The following TMEM184B variants were observed in gnomAD, a reference collection of about 807,000 sequenced individuals.
The protein encoded by TMEM184B is putative MAPK-activating protein FM08.
A neutral mutation model predicts 41.8 loss-of-function variants in TMEM184B; 17 were observed. The observed-to-expected ratio is 0.41, with a 90% CI of 0.28 to 0.61. The LOEUF is 0.61. Ranked by LOEUF, TMEM184B falls within the 20% of genes least tolerant of loss-of-function variation. TMEM184B has a pLI of 0.34. For missense variants in TMEM184B, 393 were observed against 557.8 expected, an observed-to-expected ratio of 0.70 and a Z score of 2.98; for synonymous variants, 240 against 229.5, an observed-to-expected ratio of 1.05 and a Z score of -0.41.
intron 1 of TMEM184B, among the ~76,000 whole-genome samples, chr22:38,269,145 C>T (rs1273723619): frequency 6.6e-6 from 1 of 152,224 alleles, no homozygotes; most frequent in Non-Finnish European, 1.5e-5. Flanking sequence ...AATTGCATCT[C>T]CCAATTCTCT....
intron 3 of TMEM184B, among the ~76,000 whole-genome samples, chr22:38,240,622 GC>G (rs1365730759): frequency 1.3e-5 from 2 of 151,474 alleles, no homozygotes; most frequent in Non-Finnish European, 2.9e-5. Flanking sequence ...CACTGGAAGG[GC>G]CCGCCAGGTT....
At chr22:38,219,072 C>T (rs1305684500), downstream of TMEM184B, among the ~76,000 whole-genome samples, 2 of 152,214 alleles carry the variant, frequency 1.3e-5, no homozygotes, top group African/African-American at 2.4e-5. Context: ...GCGGCCCGGC[C>T]GTCCTGGGTT....
At position 38,221,339 on chromosome 22, in the gene TMEM184B, T is replaced by C. The variant is rs897234735; in HGVS notation, c.*130A>G. ...TTCCTCTGGAAGTGACATGTGAGTG[T>C]TTCTGGTCCAATAAATAAAGGCGGC... is the stretch of plus-strand genomic sequence containing the variant. On this transcript the variant is annotated 3_prime_UTR_variant, in exon 9 of 9. Transcript: ENST00000361906. The C allele has an allele frequency of 6.9e-7, 1 of 1,455,068 alleles. No homozygotes were observed. The highest frequency in any genetic ancestry group is 1.4e-5 in the African/African-American group (1 of 70,578). The allele number at this position is 1,455,068 out of a possible 1,614,324, so 90.1% of individuals were successfully genotyped here.
chr22:38,228,033 G>A (rs1306628310), intron 5 of TMEM184B, among the ~76,000 whole-genome samples: 1 of 152,178 alleles, frequency 6.6e-6, no homozygotes, highest in Non-Finnish European at 1.5e-5. Flanking sequence ...GCCTGGAGTG[G>A]GAACCGTGAT....
chr22:38,272,842 T>TC, intron 1 of TMEM184B, 42 bp downstream of exon 1: 5 of 968,948 alleles, frequency 5.2e-6, no homozygotes, highest in Non-Finnish European at 6.1e-6. Flanking sequence ...GAGTCGCAGC[T>TC]CCCCCTTGGG....
chr22:38,230,893 A>C, intron 4 of TMEM184B, 149 bp from the exon 5 acceptor site: 2 of 782,124 alleles, frequency 2.6e-6, no homozygotes, highest in East Asian at 2.7e-5. Context: ...AAGCACAGGG[A>C]GAGGCATGGC....
At chr22:38,230,159 C>T (rs9610919) in intron 5 of TMEM184B, among the ~76,000 whole-genome samples, 137 of 98,728 alleles carry the variant, frequency 1.4e-3, no homozygotes, top group East Asian at 3.5e-3. Context: ...CACAGGGAGG[C>T]CAGCCCAGGA....
chr22:38,247,705 C>T, intron 2 of TMEM184B, 65 bp downstream of exon 2: 8 of 1,533,890 alleles, frequency 5.2e-6, no homozygotes, highest in Non-Finnish European at 7.0e-6. Context: ...CTAGCCTAAC[C>T]CACACTCTGT....
At chr22:38,247,709 A>G (rs2092066915) in intron 2 of TMEM184B, 61 bp downstream of exon 2, 2 of 1,538,658 alleles carry the variant, frequency 1.3e-6, no homozygotes, top group African/African-American at 1.4e-5. Context: ...CCTAACCCAC[A>G]CTCTGTTCAG....
chr22:38,259,525 T>C (rs1306346539), intron 1 of TMEM184B, among the ~76,000 whole-genome samples: 1 of 152,142 alleles, frequency 6.6e-6, no homozygotes, highest in Non-Finnish European at 1.5e-5. Context: ...GAGAGGAAAG[T>C]GGAAGCTGCT....
At position 38,225,685 on chromosome 22, in the gene TMEM184B, AG is replaced by A; in HGVS notation, c.618-93del. ...ACCACACACAGTCCCCATGGCTCTCAGCCCCACACCTCCAGCAGAGCTCAAC... is the reference window on the plus strand; with the variant it reads ...ACCACACACAGTCCCCATGGCTCTCACCCCACACCTCCAGCAGAGCTCAAC... On this transcript the variant is annotated intron_variant, in intron 6 of 8. Transcript: ENST00000361906. The surrounding 1 kb of genome is among the most constrained non-coding windows in gnomAD (Gnocchi z 4.4). 3 of 1,365,806 alleles carry A rather than the reference AG, an allele frequency of 2.2e-6. No homozygotes were observed. The highest frequency in any genetic ancestry group is 9.7e-7 in the Non-Finnish European group (1 of 1,031,452). 84.6% of individuals were successfully genotyped at this position (1,365,806 alleles called of 1,614,324 possible).
intron 1 of TMEM184B, among the ~76,000 whole-genome samples, chr22:38,259,697 C>G (rs1048623317): frequency 6.6e-6 from 1 of 152,214 alleles, no homozygotes; most frequent in Non-Finnish European, 1.5e-5. Flanking sequence ...CATTCTGGAC[C>G]TGACCTCCAA....
rs191228415 is a variant in TMEM184B, at chr22:38,226,040, C to T, written c.618-447G>A. On this transcript the variant is annotated intron_variant, in intron 6 of 8. Coordinates refer to ENST00000361906, the MANE Select transcript of TMEM184B (RefSeq NM_012264.5). This position sits in a 1 kb window ranked among gnomAD's most constrained non-coding sequence, Gnocchi z 4.6. ...TACACAGTTCACAGACAGTGTGTGC[C>T]GAGAGCTTGAAAGCACAGGGCTAGA... 9.6e-4 allele frequency among the ~76,000 whole-genome samples: 145 copies of T among 151,828 alleles called. 1 individual carries two copies. Among genetic ancestry groups the T allele is most frequent in the African/African-American group, 3.0e-3 (126 of 41,336 alleles).
At chr22:38,257,003 T>G (rs1350630562) in intron 1 of TMEM184B, among the ~76,000 whole-genome samples, 1 of 142,938 alleles carries the variant, frequency 7.0e-6, no homozygotes, top group African/African-American at 2.7e-5. Context: ...TTTTTTGAGA[T>G]AGAGTTTCGC....
rs780873410 is a variant in TMEM184B at position 38,221,429 on chromosome 22, G to C, written c.*40C>G. Reference sequence around the variant, plus strand: ...GCTGGAGGTGGGGCACAGCCTGACCGTGGCTATGGCGCCAGCACTTCCGCC... The same window carrying C: ...GCTGGAGGTGGGGCACAGCCTGACCCTGGCTATGGCGCCAGCACTTCCGCC... On this transcript the variant is annotated 3_prime_UTR_variant, in exon 9 of 9. Transcript: ENST00000361906. 15 of 1,558,012 alleles carry C rather than the reference G, an allele frequency of 9.6e-6. No individual in the cohort carries two copies. Among genetic ancestry groups the C allele is most frequent in the East Asian group, 2.2e-5 (1 of 44,466 alleles).
chr22:38,268,888 G>A (rs563082364), intron 1 of TMEM184B, among the ~76,000 whole-genome samples: 40 of 152,360 alleles, frequency 2.6e-4, no homozygotes, highest in African/African-American at 9.1e-4. Flanking sequence ...ACAGGCCTGC[G>A]ATGCCTCCTT....
intron 1 of TMEM184B, among the ~76,000 whole-genome samples, chr22:38,265,825 G>T (rs1184550389): frequency 6.6e-6 from 1 of 152,198 alleles, no homozygotes; most frequent in Non-Finnish European, 1.5e-5. Context: ...CGCTAGAGGT[G>T]GGGACCAGGA....
At chr22:38,257,725 G>A (rs904723899) in intron 1 of TMEM184B, among the ~76,000 whole-genome samples, 1 of 152,242 alleles carries the variant, frequency 6.6e-6, no homozygotes. Flanking sequence ...AGTAATATAC[G>A]TGTATACTTA....
At chr22:38,218,996 C>T (rs879438732), downstream of TMEM184B, among the ~76,000 whole-genome samples, 5 of 152,150 alleles carry the variant, frequency 3.3e-5, no homozygotes, top group East Asian at 1.9e-4. Flanking sequence ...CCTGCAGGAG[C>T]GGGGCTGCCA....
Sources: gnomAD v4.1 joint callset for allele counts (sites outside exome capture counted in the v4.1 genomes callset) on GRCh38, gnomAD v4.1.1 for gene constraint, Gnocchi (gnomAD v3.1) non-coding constraint, MANE v1.5 for transcripts, NCBI Gene and HGNC (gene_info 2026-07-23, HGNC 2026-07-21) for gene names.